Variants in SIPA1L2 observed in about 807,000 individuals in gnomAD.
SIPA1L2 encodes signal-induced proliferation-associated 1-like protein 2.
SIPA1L2 carries 56 observed loss-of-function variants against 163.9 expected under a neutral mutation model. The ratio of observed to expected loss-of-function variants is 0.34; its 90% CI spans 0.28 to 0.43. The LOEUF is 0.43. Among genes scored for constraint, SIPA1L2 ranks in the 20% least tolerant of loss-of-function variants. The pLI is 1.00. For synonymous variants in SIPA1L2, 877 were observed against 865.7 expected (o/e 1.01, Z -0.23); for missense variants, 1,974 against 2,193.5 (o/e 0.90, Z 2.00).
intron 2 of SIPA1L2, among the ~76,000 whole-genome samples, chr1:232,546,663 G>C (rs764759997): frequency 3.3e-5 from 5 of 152,178 alleles, no homozygotes; most frequent in Non-Finnish European, 7.3e-5. Context: ...TCGACTAAAT[G>C]TCTAGGCTGT....
At chr1:232,571,189 T>C (rs2243422) in intron 2 of SIPA1L2, among the ~76,000 whole-genome samples, 61,817 of 151,982 alleles carry the variant, frequency 0.41, 14,215 homozygotes, top group African/African-American at 0.62. Flanking sequence ...ATACAAGTGG[T>C]CAATAAGCAT....
At chr1:232,622,439 C>A (rs954489483) in intron 1 of SIPA1L2, among the ~76,000 whole-genome samples, 1 of 152,224 alleles carries the variant, frequency 6.6e-6, no homozygotes, top group Admixed American at 6.5e-5. Flanking sequence ...TAAAGGACTA[C>A]AGACAGTACT....
chr1:232,467,382 A>C (rs12117252), intron 8 of SIPA1L2, among the ~76,000 whole-genome samples: 17 of 151,944 alleles, frequency 1.1e-4, no homozygotes, highest in Admixed American at 6.5e-5. Context: ...AGAGGTTGAC[A>C]CTGCCAGGGA....
At chr1:232,399,860 C>G (rs1192790722) in intron 22 of SIPA1L2, among the ~76,000 whole-genome samples, 1 of 152,116 alleles carries the variant, frequency 6.6e-6, no homozygotes, top group Non-Finnish European at 1.5e-5. Context: ...TCCCCCCCTG[C>G]TGAAAGGGAT....
At chr1:232,503,189 G>A (rs1043234917) in intron 3 of SIPA1L2, among the ~76,000 whole-genome samples, 2 of 152,156 alleles carry the variant, frequency 1.3e-5, no homozygotes, top group Non-Finnish European at 2.9e-5. Flanking sequence ...GAAGCTGAAT[G>A]AAAATCCACC....
intron 16 of SIPA1L2, among the ~76,000 whole-genome samples, chr1:232,430,626 GAA>G (rs1662174030): frequency 6.6e-6 from 1 of 152,238 alleles, no homozygotes; most frequent in African/African-American, 2.4e-5. Context: ...CCTTGCCTTA[GAA>G]ACACTCTGTG....
chr1:232,523,214 A>G lies in SIPA1L2; in HGVS notation c.-269-7606T>C, dbSNP rs1310142327. On this transcript the variant is annotated intron_variant, in intron 2 of 22. Coordinates refer to ENST00000674635, the MANE Select transcript of SIPA1L2 (RefSeq NM_020808.5). ...GCCCATCATTCTGTAAGTCAAAAAT[A>G]GAATAAACAAAGGGCTGTTTTGTTA... Among the ~76,000 whole-genome samples the G allele has an allele frequency of 2.6e-5, 4 of 152,382 alleles. No individual in the cohort carries two copies. In the East Asian group the frequency reaches 7.7e-4, roughly 29 times the overall value.
intron 1 of SIPA1L2, among the ~76,000 whole-genome samples, chr1:232,611,370 AG>A (rs1173841722): frequency 6.6e-6 from 1 of 152,358 alleles, no homozygotes; most frequent in East Asian, 1.9e-4. Flanking sequence ...TTACTTTAGT[AG>A]GTAACAGGCA....
chr1:232,594,497 A>G (rs1484944557), intron 1 of SIPA1L2, among the ~76,000 whole-genome samples: 1 of 152,112 alleles, frequency 6.6e-6, no homozygotes, highest in Non-Finnish European at 1.5e-5. Context: ...ACCCACAGCC[A>G]TCGCTCTGTC....
rs1424246279 is a variant in SIPA1L2, at chr1:232,398,203, A to G, written c.*924T>C. The G allele has an allele frequency of 6.6e-6, 1 of 152,656 alleles. No individual in the cohort carries two copies. Among genetic ancestry groups the G allele is most frequent in the Non-Finnish European group, 1.5e-5 (1 of 68,044 alleles). 9.5% of individuals were successfully genotyped at this position (152,656 alleles called of 1,614,324 possible). A position where few individuals can be genotyped will look rare whatever the true frequency, so the allele number is the denominator to read the frequency against. On this transcript the variant is annotated 3_prime_UTR_variant, in exon 23 of 23. Transcript: ENST00000674635. ...CAAACCAAATTTTATAAAATTAACA[A>G]TTTAAGGTTAAATAAGCTTAAATAA...
At chr1:232,625,431 C>T (rs1438704133) in intron 1 of SIPA1L2, among the ~76,000 whole-genome samples, 1 of 152,138 alleles carries the variant, frequency 6.6e-6, no homozygotes. Context: ...TAAAATAAAG[C>T]AAAACCACAG....
intron 10 of SIPA1L2, among the ~76,000 whole-genome samples, chr1:232,459,812 C>T (rs1187759569): frequency 6.6e-6 from 1 of 152,118 alleles, no homozygotes; most frequent in East Asian, 1.9e-4. Context: ...AGCGCCCAGC[C>T]CCTAAAGTTT....
At chr1:232,401,428 G>A (rs768986240) in intron 22 of SIPA1L2, among the ~76,000 whole-genome samples, 1 of 152,112 alleles carries the variant, frequency 6.6e-6, no homozygotes. Context: ...TGGTTTACAC[G>A]CTGTGGTGCA....
intron 2 of SIPA1L2, among the ~76,000 whole-genome samples, chr1:232,553,335 C>T (rs1011071618): frequency 1.3e-5 from 2 of 152,058 alleles, no homozygotes; most frequent in African/African-American, 2.4e-5. Context: ...TTCATCTGCC[C>T]GTCTGCTCAT....
In SIPA1L2 at chr1:232,552,714, T is replaced by C. The variant is rs137954338; in HGVS notation, c.-270+21460A>G. Among the ~76,000 whole-genome samples the C allele has an allele frequency of 1.8e-3, 276 of 152,316 alleles. 1 individual carries two copies. Among genetic ancestry groups the C allele is most frequent in the African/African-American group, 6.2e-3 (257 of 41,566 alleles). ...AAAGAATGCTTAAGTGAATGGATTA[T>C]ATCTAGCAAATATAGTATAAGAGAA... On this transcript the variant is annotated intron_variant, in intron 2 of 22. Transcript: ENST00000674635.
chr1:232,567,737 G>A (rs1186833571), intron 2 of SIPA1L2, among the ~76,000 whole-genome samples: 2 of 152,162 alleles, frequency 1.3e-5, no homozygotes, highest in African/African-American at 4.8e-5. Context: ...CTTTTTGTAT[G>A]CTAATGAGTT....
intron 3 of SIPA1L2, among the ~76,000 whole-genome samples, chr1:232,499,024 T>G (rs80060676): frequency 0.011 from 1,677 of 152,298 alleles, 87 homozygotes; most frequent in Admixed American, 0.092. Context: ...GATACAAACA[T>G]AGCCTGCTTC....
chr1:232,600,480 T>A (rs1224436737), intron 1 of SIPA1L2, among the ~76,000 whole-genome samples: 1 of 152,180 alleles, frequency 6.6e-6, no homozygotes, highest in Non-Finnish European at 1.5e-5. Context: ...AAATGAAAGT[T>A]ATGAGTGTGA....
chr1:232,421,739 C>T (rs1220581024), intron 18 of SIPA1L2, among the ~76,000 whole-genome samples: 2 of 152,188 alleles, frequency 1.3e-5, no homozygotes, highest in African/African-American at 4.8e-5. Flanking sequence ...TACATTATAA[C>T]TAAAATACCA....
Sources: gnomAD v4.1 joint callset for allele counts (sites outside exome capture counted in the v4.1 genomes callset) on GRCh38, gnomAD v4.1.1 for gene constraint, MANE v1.5 for transcripts, NCBI Gene and HGNC (gene_info 2026-07-23, HGNC 2026-07-21) for gene names.